Variants in VPS13B observed in about 807,000 individuals in gnomAD.
VPS13B encodes intermembrane lipid transfer protein VPS13B.
A neutral mutation model predicts 426.4 loss-of-function variants in VPS13B; 285 were observed. The observed-to-expected ratio is 0.67, with a 90% confidence interval of 0.61 to 0.74. The LOEUF is 0.74. VPS13B is among the 30% of genes least tolerant of loss of function. The pLI is 0.00. For synonymous variants in VPS13B, 1,676 were observed against 1,676.4 expected (o/e 1.00, Z 0.01); for missense variants, 4,537 against 4,782.6 (o/e 0.95, Z 1.51).
chr8:99,461,708 A>G (rs1378273389), intron 23 of VPS13B, among the ~76,000 whole-genome samples: 1 of 152,108 alleles, frequency 6.6e-6, no homozygotes, highest in Non-Finnish European at 1.5e-5. Flanking sequence ...TTCTCTTCCA[A>G]ATAGTCCCAC....
At chr8:99,035,794 T>A (rs1842715075) in intron 2 of VPS13B, among the ~76,000 whole-genome samples, 1 of 152,198 alleles carries the variant, frequency 6.6e-6, no homozygotes, top group African/African-American at 2.4e-5. Flanking sequence ...ACTAAGAGTG[T>A]ATAAGTATTC....
intron 3 of VPS13B, among the ~76,000 whole-genome samples, chr8:99,078,864 G>A (rs929760786): frequency 3.3e-5 from 5 of 152,116 alleles, no homozygotes; most frequent in African/African-American, 7.2e-5. Context: ...GGCAAACTGA[G>A]CAAGTTGGTA....
chr8:99,378,821 G>A (rs1169452812), intron 19 of VPS13B, among the ~76,000 whole-genome samples: 2 of 151,932 alleles, frequency 1.3e-5, no homozygotes. Context: ...TTTTGTTATG[G>A]GAAACATAAA....
At chr8:99,478,248 GAGAA>G (rs1309017953) in intron 24 of VPS13B, among the ~76,000 whole-genome samples, 1 of 151,780 alleles carries the variant, frequency 6.6e-6, no homozygotes, top group Non-Finnish European at 1.5e-5. Flanking sequence ...ATGTGGAACT[GAGAA>G]AGAACAGATT....
At chr8:99,813,781 A>T (rs1813863412) in intron 44 of VPS13B, among the ~76,000 whole-genome samples, 1 of 152,248 alleles carries the variant, frequency 6.6e-6, no homozygotes, top group Non-Finnish European at 1.5e-5. Context: ...AATAATGCAA[A>T]TTAAAACAAC....
At chr8:99,806,169 G>A (rs867063340) in intron 43 of VPS13B, among the ~76,000 whole-genome samples, 2 of 152,302 alleles carry the variant, frequency 1.3e-5, no homozygotes, top group Non-Finnish European at 2.9e-5. Context: ...CCTGCATAAA[G>A]TGCAAATTCC....
chr8:99,714,168 T>C (rs918574959), intron 36 of VPS13B, among the ~76,000 whole-genome samples: 2 of 149,084 alleles, frequency 1.3e-5, no homozygotes, highest in Non-Finnish European at 3.0e-5. Flanking sequence ...GACAGGCATA[T>C]ACTAAAAGGA....
intron 23 of VPS13B, among the ~76,000 whole-genome samples, chr8:99,454,585 C>T (rs570492877): frequency 3.3e-5 from 5 of 152,228 alleles, no homozygotes; most frequent in South Asian, 4.1e-4. Flanking sequence ...TAAATAAAGC[C>T]GCTATATACC....
chr8:99,661,853 G>A (rs1003168722), intron 35 of VPS13B, among the ~76,000 whole-genome samples: 1 of 152,004 alleles, frequency 6.6e-6, no homozygotes, highest in Non-Finnish European at 1.5e-5. Flanking sequence ...TAGACTAGAT[G>A]GATGAATGGA....
intron 14 of VPS13B, among the ~76,000 whole-genome samples, chr8:99,152,988 G>T (rs1391289976): frequency 6.6e-6 from 1 of 152,070 alleles, no homozygotes; most frequent in Non-Finnish European, 1.5e-5. Context: ...ACCAGCTTGG[G>T]TAAAACCCTG....
At chr8:99,273,185 A>G (rs1325083265) in intron 17 of VPS13B, among the ~76,000 whole-genome samples, 3 of 134,520 alleles carry the variant, frequency 2.2e-5, no homozygotes, top group East Asian at 2.2e-4. Flanking sequence ...TTTGAGATGG[A>G]GTCTCTCTCT....
chr8:99,604,875 TA>T (rs1170037412), intron 33 of VPS13B, among the ~76,000 whole-genome samples: 1 of 152,206 alleles, frequency 6.6e-6, no homozygotes, highest in African/African-American at 2.4e-5. Context: ...AGTATCTACA[TA>T]AATCACATGG....
chr8:99,623,300 C>A (rs1381504849), intron 33 of VPS13B, among the ~76,000 whole-genome samples: 1 of 152,182 alleles, frequency 6.6e-6, no homozygotes, highest in Non-Finnish European at 1.5e-5. Context: ...ACCATGACTT[C>A]CCTATTTAAA....
In VPS13B at chr8:99,469,790, A is replaced by G. The variant is rs376415274; in HGVS notation, c.3666+2156A>G. ...AGAAGTAAGTTAAAATGAAGTCATTAGGGTGACCCAATGTGACTGGTATCC... is the reference window on the plus strand; with the variant it reads ...AGAAGTAAGTTAAAATGAAGTCATTGGGGTGACCCAATGTGACTGGTATCC... On this transcript the variant is annotated intron_variant, in intron 24 of 61. Coordinates refer to ENST00000357162, the MANE Select transcript of VPS13B (RefSeq NM_152564.5). Among the ~76,000 whole-genome samples the G allele has an allele frequency of 8.0e-4, 122 of 152,322 alleles. No homozygotes were observed. In the South Asian group the frequency reaches 0.024, roughly 30 times the overall value.
At chr8:99,216,429 A>T (rs1183371119) in intron 17 of VPS13B, among the ~76,000 whole-genome samples, 1 of 151,768 alleles carries the variant, frequency 6.6e-6, no homozygotes, top group Non-Finnish European at 1.5e-5. Context: ...TTTCAATTGG[A>T]TTATAATTGT....
chr8:99,574,388 A>G (rs1825657956), intron 31 of VPS13B, among the ~76,000 whole-genome samples: 1 of 152,176 alleles, frequency 6.6e-6, no homozygotes, highest in Non-Finnish European at 1.5e-5. Context: ...CCAGTTTTCA[A>G]AGGGAATGCT....
intron 43 of VPS13B, among the ~76,000 whole-genome samples, chr8:99,806,045 G>C (rs1247260284): frequency 1.3e-5 from 2 of 152,124 alleles, no homozygotes; most frequent in Non-Finnish European, 2.9e-5. Context: ...TGTATTTCTA[G>C]CCCACGTTGC....
chr8:99,743,580 A>C (rs1261834856), intron 39 of VPS13B, among the ~76,000 whole-genome samples: 5 of 152,220 alleles, frequency 3.3e-5, no homozygotes, highest in African/African-American at 1.2e-4. Context: ...CTATACTACA[A>C]GGCTACAGTA....
chr8:99,605,290 A>G (rs1033350698), intron 33 of VPS13B, among the ~76,000 whole-genome samples: 1 of 152,208 alleles, frequency 6.6e-6, no homozygotes, highest in African/African-American at 2.4e-5. Context: ...GACTGCTTCT[A>G]ATTGTTGATA....
Sources: allele counts gnomAD v4.1 joint callset (sites outside exome capture counted in the v4.1 genomes callset), GRCh38; gene constraint gnomAD v4.1.1; transcripts MANE v1.5; gene names NCBI Gene and HGNC (gene_info 2026-07-23, HGNC 2026-07-21).